Variants in GFPT1 observed in about 807,000 individuals in gnomAD.
GFPT1 encodes glutamine--fructose-6-phosphate aminotransferase [isomerizing] 1.
Under a neutral mutation model 92.0 loss-of-function variants are expected in GFPT1, and 40 were observed. The observed-to-expected ratio is 0.43, with a 90% CI of 0.34 to 0.57. GFPT1 has a LOEUF of 0.57. Among genes scored for constraint, GFPT1 ranks in the 20% least tolerant of loss-of-function variants. The probability of loss-of-function intolerance (pLI) is 0.02; values close to 1 mark genes in which losing one functional copy is unlikely to be tolerated. For synonymous variants in GFPT1, 269 were observed against 280.6 expected (o/e 0.96, Z 0.41); for missense variants, 448 against 869.1 (o/e 0.52, Z 6.09).
At chr2:69,348,364 C>T (rs1671132491) in intron 10 of GFPT1, 30 bp from the exon 11 acceptor site, 3 of 1,522,838 alleles carry the variant, frequency 2.0e-6, no homozygotes, top group South Asian at 1.1e-5. Flanking sequence ...ATATTACAAT[C>T]GATAACCAAG....
intron 3 of GFPT1, among the ~76,000 whole-genome samples, chr2:69,366,482 G>A (rs1671614582): frequency 1.3e-5 from 2 of 152,120 alleles, no homozygotes; most frequent in African/African-American, 2.4e-5. Context: ...AAGCAATACT[G>A]AAGAAAGTCA....
chr2:69,341,834 G>A (rs1199024784), intron 13 of GFPT1, among the ~76,000 whole-genome samples: 3 of 152,126 alleles, frequency 2.0e-5, no homozygotes, highest in South Asian at 2.1e-4. Context: ...AAAACCCAAC[G>A]ATGGCTCTTA....
chr2:69,329,133 C>T (rs1305413617), intron 17 of GFPT1, among the ~76,000 whole-genome samples, 164 bp downstream of exon 17: 6 of 152,210 alleles, frequency 3.9e-5, no homozygotes, highest in African/African-American at 1.2e-4. Context: ...CACTTCTGAA[C>T]AGAGTTCTCT....
Position 69,349,580 on chromosome 2 carries a change from T to C in GFPT1, c.845+498A>G, listed in dbSNP as rs552343835. Among the ~76,000 whole-genome samples, 15 of 152,342 alleles carry C rather than the reference T, an allele frequency of 9.8e-5. No individual in the cohort carries two copies. In the South Asian group the frequency reaches 2.3e-3, roughly 23 times the overall value. On this transcript the variant is annotated intron_variant, in intron 10 of 19. Coordinates refer to ENST00000357308, the MANE Select transcript of GFPT1 (RefSeq NM_001244710.2). ...CATTACTATTTCATTTACAAATGCA[T>C]GTAAACATCCCCCTGCATTTTCTCT...
chr2:69,354,404 G>T, intron 8 of GFPT1, 85 bp downstream of exon 8: 1 of 1,268,078 alleles, frequency 7.9e-7, no homozygotes, highest in Non-Finnish European at 1.2e-6. Flanking sequence ...ATATACATGT[G>T]CATCTGACCA....
chr2:69,353,079 T>G (rs1002877583), intron 9 of GFPT1, among the ~76,000 whole-genome samples: 4 of 151,246 alleles, frequency 2.6e-5, no homozygotes, highest in Non-Finnish European at 5.9e-5. Context: ...AAATTTGAGA[T>G]ATCAATGTCT....
intron 1 of GFPT1, among the ~76,000 whole-genome samples, chr2:69,379,115 T>C (rs1671946865): frequency 2.0e-5 from 3 of 152,162 alleles, no homozygotes; most frequent in Admixed American, 2.0e-4. Context: ...ATATTAAAAC[T>C]ATACAGATGC....
chr2:69,342,230 C>T lies in GFPT1; in HGVS notation c.1125G>A (p.Lys375=), dbSNP rs1253564373. The stretch of plus-strand genomic sequence containing the variant: ...ATCTCTGGATCTCCTTTATGTGATC[C>T]TTCAAACCACCCAAATTCACTGAAA... The part of the protein sequence containing the change: ...DDYTVNLGGL[K]DHIKEIQRCR... Residue 375 remains lysine (K), a synonymous_variant, in exon 13 of 20, where the codon AAG becomes AAA. Transcript: ENST00000357308. The T allele has an allele frequency of 2.5e-6, 4 of 1,604,606 alleles. No homozygotes were observed. The highest frequency in any genetic ancestry group is 3.4e-6 in the Non-Finnish European group (4 of 1,171,558).
intron 9 of GFPT1, among the ~76,000 whole-genome samples, chr2:69,352,648 T>G (rs910350177): frequency 3.3e-5 from 5 of 150,968 alleles, no homozygotes; most frequent in African/African-American, 1.2e-4. Flanking sequence ...CAACTACTTT[T>G]GCTTATAAAA....
At chr2:69,372,918 C>G (rs993473217) in intron 2 of GFPT1, among the ~76,000 whole-genome samples, 2 of 152,176 alleles carry the variant, frequency 1.3e-5, no homozygotes, top group Admixed American at 1.3e-4. Context: ...AGGATTCCTA[C>G]CACCCTAACC....
intron 7 of GFPT1, among the ~76,000 whole-genome samples, chr2:69,355,244 A>C (rs1023986888): frequency 6.6e-6 from 1 of 151,756 alleles, no homozygotes; most frequent in African/African-American, 2.4e-5. Context: ...CACCCAGCTA[A>C]ATTTTTTATT....
chr2:69,341,895 C>A (rs1670962219), intron 13 of GFPT1, among the ~76,000 whole-genome samples: 1 of 152,128 alleles, frequency 6.6e-6, no homozygotes, highest in South Asian at 2.1e-4. Context: ...TACACAAACT[C>A]TCCCCCTCTT....
At chr2:69,385,836 T>G (rs1314825841) in intron 1 of GFPT1, among the ~76,000 whole-genome samples, 1 of 145,996 alleles carries the variant, frequency 6.8e-6, no homozygotes, top group African/African-American at 2.5e-5. Flanking sequence ...TTTATGTGGG[T>G]TTTTTTTTAA....
In GFPT1 at chr2:69,351,765, A is replaced by G. The variant is rs567065431; in HGVS notation, c.740-1582T>C. Among the ~76,000 whole-genome samples the G allele has an allele frequency of 2.6e-5, 4 of 152,348 alleles. No homozygotes were observed. The South Asian group carries it at 8.3e-4, about 32-fold the overall frequency. The stretch of plus-strand genomic sequence containing the variant: ...AAAAATAAATGTAAGATGACATCCA[A>G]GAAAAAGTAACATTATAGAAAAATA... On this transcript the variant is annotated intron_variant, in intron 9 of 19. Transcript: ENST00000357308.
intron 1 of GFPT1, among the ~76,000 whole-genome samples, chr2:69,383,508 A>G (rs1159291712): frequency 6.6e-6 from 1 of 152,246 alleles, no homozygotes; most frequent in Admixed American, 6.5e-5. Context: ...AGACAGTATA[A>G]TTACAAAAAA....
chr2:69,383,742 C>T (rs1050778333), intron 1 of GFPT1, among the ~76,000 whole-genome samples: 3 of 152,142 alleles, frequency 2.0e-5, no homozygotes, highest in Non-Finnish European at 4.4e-5. Context: ...TCTCCTGCCT[C>T]GGGCTTCCGA....
At position 69,324,963 on chromosome 2, in the gene GFPT1, T is replaced by C. The variant is rs1025166638; in HGVS notation, c.*1226A>G. 4 of 152,208 alleles carry C rather than the reference T, an allele frequency of 2.6e-5. No homozygotes were observed. The allele number at this position is 152,208 out of a possible 1,614,324, so 9.4% of individuals were successfully genotyped here. ...GAACATACCCCAATATCACTTTATTTATATCTTCTTTATTCCTAAATATAT... is the reference window on the plus strand; with the variant it reads ...GAACATACCCCAATATCACTTTATTCATATCTTCTTTATTCCTAAATATAT... On this transcript the variant is annotated 3_prime_UTR_variant, in exon 20 of 20. Coordinates refer to ENST00000357308, the MANE Select transcript of GFPT1 (RefSeq NM_001244710.2).
At position 69,372,216 on chromosome 2, in the gene GFPT1, AAAG is replaced by A. The variant is rs1289007148; in HGVS notation, c.115+1787_115+1789del. 3.1e-3 allele frequency among the ~76,000 whole-genome samples: 465 copies of A among 151,004 alleles called. 1 individual carries two copies. The highest frequency in any genetic ancestry group is 0.011 in the African/African-American group (439 of 40,970). Reference sequence around the variant, plus strand: ...TCCATCTCAAAAAAAAAAAAAAAAAAAAGAAGATTGATGAGTCAGAGCTCACCC... The same window carrying A: ...TCCATCTCAAAAAAAAAAAAAAAAAAAAGATTGATGAGTCAGAGCTCACCC... On this transcript the variant is annotated intron_variant, in intron 2 of 19. Transcript: ENST00000357308.
At position 69,330,930 on chromosome 2, in the gene GFPT1, C is replaced by T. The variant is rs191668297; in HGVS notation, c.1483-1132G>A. Reference sequence around the variant, plus strand: ...AGATTATAATGACAATTAAATGAGACAAATGTAACGCATTCAGTTCTGTAT... The same window carrying T: ...AGATTATAATGACAATTAAATGAGATAAATGTAACGCATTCAGTTCTGTAT... On this transcript the variant is annotated intron_variant, in intron 15 of 19. Transcript: ENST00000357308. Among the ~76,000 whole-genome samples, 169 of 152,230 alleles carry T rather than the reference C, an allele frequency of 1.1e-3. 1 individual carries two copies. Among genetic ancestry groups the T allele is most frequent in the Non-Finnish European group, 3.1e-4 (21 of 67,996 alleles).
Sources: allele counts gnomAD v4.1 joint callset (sites outside exome capture counted in the v4.1 genomes callset), GRCh38; gene constraint gnomAD v4.1.1; transcripts MANE v1.5; gene names NCBI Gene and HGNC (gene_info 2026-07-23, HGNC 2026-07-21).